Variants in PCDH15 observed in about 807,000 individuals in gnomAD.
The protein encoded by PCDH15 is protocadherin-15.
Under a neutral mutation model 178.5 loss-of-function variants are expected in PCDH15, and 129 were observed. The ratio of observed to expected loss-of-function variants is 0.72; its 90% CI spans 0.63 to 0.84. The LOEUF (loss-of-function observed/expected upper bound fraction) is 0.84. Among genes scored for constraint, PCDH15 ranks in the 40% least tolerant of loss-of-function variants. The pLI is 0.00. For synonymous variants in PCDH15, 800 were observed against 732.0 expected, an observed-to-expected ratio of 1.09 and a Z score of -1.50; for missense variants, 2,230 against 2,099.9, an observed-to-expected ratio of 1.06 and a Z score of -1.21.
chr10:55,213,687 G>A (rs1052416569), intron 1 of PCDH15, among the ~76,000 whole-genome samples: 5 of 150,120 alleles, frequency 3.3e-5, no homozygotes, highest in South Asian at 2.1e-4. Context: ...TCTTGTTTTC[G>A]CCCCATGGTC....
chr10:54,673,644 G>C (rs957547706), intron 1 of PCDH15, among the ~76,000 whole-genome samples: 1 of 152,020 alleles, frequency 6.6e-6, no homozygotes, highest in East Asian at 1.9e-4. Flanking sequence ...CTCCGTGTTG[G>C]TCAGGCTGGT....
At chr10:55,296,604 G>A (rs1843138001) in intron 1 of PCDH15, among the ~76,000 whole-genome samples, 1 of 152,138 alleles carries the variant, frequency 6.6e-6, no homozygotes, top group African/African-American at 2.4e-5. Context: ...GGTTTTAGAA[G>A]CTCTGTAACA....
rs544485917 is a variant in PCDH15 at position 55,343,310 on chromosome 10, C to CA, written c.-155-176660dup. Among the ~76,000 whole-genome samples, 841 of 152,164 alleles carry CA rather than the reference C, an allele frequency of 5.5e-3. 9 individuals are homozygous for CA. Among genetic ancestry groups the CA allele is most frequent in the African/African-American group, 0.019 (804 of 41,542 alleles). On this transcript the variant is annotated intron_variant, in intron 2 of 5. Transcript: ENST00000613346. ...AAAAACAGAGATATATGTATGCTAT[C>CA]AAAAACAAAAACCAACTTTTATTCT...
intron 2 of PCDH15, among the ~76,000 whole-genome samples, chr10:55,378,968 C>T (rs536769752): frequency 4.6e-5 from 7 of 150,716 alleles, no homozygotes; most frequent in Middle Eastern, 3.4e-3. Flanking sequence ...TTATTTTTCC[C>T]GTATCATAGT....
intron 2 of PCDH15, among the ~76,000 whole-genome samples, chr10:55,512,573 T>A (rs1233085455): frequency 2.0e-5 from 3 of 151,992 alleles, no homozygotes; most frequent in Non-Finnish European, 4.4e-5. Context: ...GGGAGAAAAT[T>A]GTTGGTTTAC....
rs182115130 is a variant in PCDH15, at chr10:53,937,953, C to T, written c.3373+862G>A. Among the ~76,000 whole-genome samples, 15 of 152,204 alleles carry T rather than the reference C, an allele frequency of 9.9e-5. No homozygotes were observed. In the East Asian group the frequency reaches 2.9e-3, roughly 29 times the overall value. On this transcript the variant is annotated intron_variant, in intron 25 of 37. Transcript: ENST00000644397. ...CTCATTTCACACTCTGTCTGGGCCTCTATTCTATTAATAGTTAACTTAAAC... is the reference window on the plus strand; with the variant it reads ...CTCATTTCACACTCTGTCTGGGCCTTTATTCTATTAATAGTTAACTTAAAC...
chr10:54,392,559 T>C (rs1286120334), intron 3 of PCDH15, among the ~76,000 whole-genome samples: 1 of 150,532 alleles, frequency 6.6e-6, no homozygotes, highest in African/African-American at 2.4e-5. Context: ...CCTTAGATCA[T>C]ATTGATAGTA....
At position 54,023,054 on chromosome 10, in the gene PCDH15, A is replaced by G. The variant is rs1224537868; in HGVS notation, c.2364T>C (p.Val788=). 6.2e-7 allele frequency: 1 copy of G among 1,613,892 alleles called. No homozygotes were observed. The highest frequency in any genetic ancestry group is 1.3e-5 in the African/African-American group (1 of 74,914). The change falls in exon 19 of 38, where the codon GTT becomes GTC. Residue 788 remains valine, a synonymous_variant. Transcript: ENST00000644397. Reference sequence around the variant, plus strand: ...GTACTGCTCCATCTGTTGCCACAACAACAAGTTCATAGTAGTCCCTGACTT... The same window carrying G: ...GTACTGCTCCATCTGTTGCCACAACGACAAGTTCATAGTAGTCCCTGACTT... ...NREVRDYYEL[V]VVATDGAVHP...
intron 2 of PCDH15, among the ~76,000 whole-genome samples, chr10:55,059,269 T>C (rs1841375577): frequency 6.6e-6 from 1 of 152,210 alleles, no homozygotes; most frequent in Non-Finnish European, 1.5e-5. Context: ...AAGTGACTGA[T>C]AACTACAAAT....
At chr10:53,911,393 G>T (rs927658606) in intron 25 of PCDH15, among the ~76,000 whole-genome samples, 1 of 152,150 alleles carries the variant, frequency 6.6e-6, no homozygotes, top group Admixed American at 6.6e-5. Flanking sequence ...CAGAAATAAA[G>T]ATGTTCTTTG....
At chr10:55,344,857 G>T (rs1844703325) in intron 2 of PCDH15, among the ~76,000 whole-genome samples, 1 of 152,052 alleles carries the variant, frequency 6.6e-6, no homozygotes, top group South Asian at 2.1e-4. Flanking sequence ...AAGGTCCAAG[G>T]ATTGCACTCT....
intron 8 of PCDH15, among the ~76,000 whole-genome samples, chr10:54,257,401 T>C (rs2056992016): frequency 9.6e-6 from 1 of 103,976 alleles, no homozygotes; most frequent in Non-Finnish European, 2.0e-5. Flanking sequence ...GAGAATTGTC[T>C]TCTTTTTTTT....
chr10:54,507,589 G>T (rs1208558824), intron 3 of PCDH15, among the ~76,000 whole-genome samples: 2 of 151,834 alleles, frequency 1.3e-5, no homozygotes, highest in South Asian at 4.2e-4. Flanking sequence ...TAACAAATTT[G>T]CATGCATTTT....
intron 1 of PCDH15, among the ~76,000 whole-genome samples, chr10:54,716,807 T>A (rs1319474791): frequency 1.3e-5 from 2 of 150,726 alleles, no homozygotes; most frequent in East Asian, 3.9e-4. Context: ...ACCAAGTCAA[T>A]CCTAAGCCAA....
chr10:55,217,735 A>G (rs1840747116), intron 1 of PCDH15, among the ~76,000 whole-genome samples: 1 of 152,002 alleles, frequency 6.6e-6, no homozygotes, highest in South Asian at 2.1e-4. Context: ...AAAAGAAAAA[A>G]AAACTGCTAG....
At chr10:55,390,117 G>T (rs1420498374) in intron 2 of PCDH15, among the ~76,000 whole-genome samples, 1 of 151,050 alleles carries the variant, frequency 6.6e-6, no homozygotes, top group Non-Finnish European at 1.5e-5. Context: ...AGTCACATGA[G>T]TTTTTTTTTC....
chr10:55,255,030 C>T (rs903217514), intron 1 of PCDH15, among the ~76,000 whole-genome samples: 2 of 151,960 alleles, frequency 1.3e-5, no homozygotes, highest in African/African-American at 4.8e-5. Context: ...TATACATGTG[C>T]CATGTTGGTG....
intron 8 of PCDH15, among the ~76,000 whole-genome samples, chr10:54,275,499 T>C (rs2058301249): frequency 6.6e-6 from 1 of 151,802 alleles, no homozygotes; most frequent in Non-Finnish European, 1.5e-5. Flanking sequence ...CTGGACTCTA[T>C]CACTAACTCT....
rs190079383 is a variant in PCDH15 at position 54,773,880 on chromosome 10, A to T, written c.-29+27045T>A. On this transcript the variant is annotated intron_variant, in intron 1 of 37. Transcript: ENST00000644397. ...AGCATCATACAATAAAAATGAACTG[A>T]TTTCTTATGAAGTCAGCTTCAAAAC... is the stretch of plus-strand genomic sequence containing the variant. Among the ~76,000 whole-genome samples, 8 of 152,136 alleles carry T rather than the reference A, an allele frequency of 5.3e-5. No individual in the cohort carries two copies. The East Asian group carries it at 1.5e-3, about 29-fold the overall frequency.
Sources: allele counts gnomAD v4.1 joint callset (sites outside exome capture counted in the v4.1 genomes callset), GRCh38; gene constraint gnomAD v4.1.1; transcripts MANE v1.5; gene names NCBI Gene and HGNC (gene_info 2026-07-23, HGNC 2026-07-21).